The following BOC variants were observed in gnomAD, a reference collection of about 807,000 sequenced individuals.
BOC encodes the protein brother of CDO.
Under a neutral mutation model 112.0 loss-of-function variants are expected in BOC, and 76 were observed. The observed-to-expected ratio is 0.68, with a 90% CI of 0.56 to 0.82. The LOEUF is 0.82. Among genes scored for constraint, BOC ranks in the 40% least tolerant of loss-of-function variants. The probability of loss-of-function intolerance (pLI) is 0.00; values close to 1 mark genes in which losing one functional copy is unlikely to be tolerated. For synonymous variants in BOC, 580 were observed against 599.8 expected (o/e 0.97, Z 0.48); for missense variants, 1,309 against 1,511.7 (o/e 0.87, Z 2.22).
intron 14 of BOC, 42 bp from the exon 15 acceptor site, chr3:113,280,989 T>C (rs776050987): frequency 4.3e-6 from 7 of 1,609,822 alleles, no homozygotes; most frequent in Non-Finnish European, 5.9e-6. Flanking sequence ...AAGAAAACCA[T>C]ATACACATTG....
At chr3:113,231,446 C>A (rs557778093) in intron 2 of BOC, among the ~76,000 whole-genome samples, 246 of 152,270 alleles carry the variant, frequency 1.6e-3, no homozygotes, top group Middle Eastern at 3.4e-3. Flanking sequence ...GGACATTCTT[C>A]AGGAACCTCT....
At chr3:113,232,596 C>T (rs981977079) in intron 2 of BOC, among the ~76,000 whole-genome samples, 18 of 151,236 alleles carry the variant, frequency 1.2e-4, no homozygotes, top group Non-Finnish European at 2.2e-4. Flanking sequence ...TGTGTGCACA[C>T]GTGCACATGC....
intron 15 of BOC, among the ~76,000 whole-genome samples, chr3:113,281,354 A>G (rs1445514341): frequency 6.6e-6 from 1 of 152,186 alleles, no homozygotes; most frequent in East Asian, 1.9e-4. Flanking sequence ...GACACCTTCA[A>G]GGAACTTGAT....
intron 4 of BOC, among the ~76,000 whole-genome samples, chr3:113,262,504 T>G (rs1946999834): frequency 6.6e-6 from 1 of 152,218 alleles, no homozygotes; most frequent in Non-Finnish European, 1.5e-5. Flanking sequence ...TTTGTCCCGC[T>G]TTGTGGGCTG....
chr3:113,249,243 G>C (rs1490853204), intron 2 of BOC, among the ~76,000 whole-genome samples: 1 of 152,252 alleles, frequency 6.6e-6, no homozygotes, highest in Non-Finnish European at 1.5e-5. Flanking sequence ...CGTTCTGTAT[G>C]CATCACACAC....
At chr3:113,285,887 C>T (rs946280262) in intron 19 of BOC, among the ~76,000 whole-genome samples, 4 of 152,208 alleles carry the variant, frequency 2.6e-5, no homozygotes, top group Non-Finnish European at 5.9e-5. Context: ...TTCACAAATT[C>T]CATTTGCTGC....
chr3:113,278,377 T>C lies in BOC; in HGVS notation c.1705+120T>C. Reference sequence around the variant, plus strand: ...TGTTCACCTTGAACTTCATCTTTCCTTCCAGCTACTGCCTCCTTGTGGTTT... The same window carrying C: ...TGTTCACCTTGAACTTCATCTTTCCCTCCAGCTACTGCCTCCTTGTGGTTT... On this transcript the variant is annotated intron_variant, in intron 10 of 19. Coordinates refer to ENST00000682979, the MANE Select transcript of BOC (RefSeq NM_001378074.1). The surrounding 1 kb of genome is among the most constrained non-coding windows in gnomAD (Gnocchi z 4.2). The C allele has an allele frequency of 8.7e-7, 1 of 1,150,398 alleles. No individual in the cohort carries two copies. The highest frequency in any genetic ancestry group is 1.2e-6 in the Non-Finnish European group (1 of 805,510). The allele number at this position is 1,150,398 out of a possible 1,614,324, so 71.3% of individuals were successfully genotyped here.
chr3:113,226,092 G>A (rs987560553), intron 2 of BOC, among the ~76,000 whole-genome samples: 2 of 152,182 alleles, frequency 1.3e-5, no homozygotes, highest in African/African-American at 2.4e-5. Flanking sequence ...AAAGACAAAT[G>A]TATGATCTGA....
Position 113,240,318 on chromosome 3 carries a change from G to A in BOC, c.-81-9404G>A, listed in dbSNP as rs181711492. On this transcript the variant is annotated intron_variant, in intron 2 of 19. Transcript: ENST00000682979. The stretch of plus-strand genomic sequence containing the variant: ...CAGTTTCAGCTGACTTAGCCTACCT[G>A]GCTTTGGTACTGGAGGAGGGGATAA... 1.2e-4 allele frequency among the ~76,000 whole-genome samples: 19 copies of A among 152,328 alleles called. No homozygotes were observed. In the East Asian group the frequency reaches 3.7e-3, roughly 29 times the overall value.
In BOC at chr3:113,234,126, G is replaced by A. The variant is rs76365762; in HGVS notation, c.-81-15596G>A. On this transcript the variant is annotated intron_variant, in intron 2 of 19. Coordinates refer to ENST00000682979, the MANE Select transcript of BOC (RefSeq NM_001378074.1). ...TTATAAACAAGTAAGTTACACTGCA[G>A]TGTGAAAATGACAGTGTAGATGATA... 6.0e-3 allele frequency among the ~76,000 whole-genome samples: 909 copies of A among 152,318 alleles called. 5 individuals carry two copies. The highest frequency in any genetic ancestry group is 8.8e-3 in the Non-Finnish European group (601 of 68,020).
chr3:113,283,508 T>C lies in BOC; in HGVS notation c.2532T>C (p.Thr844=). 6.2e-7 allele frequency: 1 copy of C among 1,614,026 alleles called. No individual in the cohort carries two copies. Among genetic ancestry groups the C allele is most frequent in the Non-Finnish European group, 8.5e-7 (1 of 1,180,010 alleles). The change falls in exon 16 of 20, where the codon ACT becomes ACC. Residue 844 remains threonine (T), a synonymous_variant. Transcript: ENST00000682979. ...AAACCATAGAGCGGCCGGTGGGCAC[T>C]GGGGCCATGGTGGCTCGCTCCAGCG... is the stretch of plus-strand genomic sequence containing the variant. ...LPETIERPVG[T]GAMVARSSDL...
intron 2 of BOC, among the ~76,000 whole-genome samples, chr3:113,226,495 C>A (rs900525638): frequency 2.4e-4 from 37 of 152,310 alleles, no homozygotes; most frequent in African/African-American, 7.0e-4. Flanking sequence ...AATGGGGAGA[C>A]CCCTTAATAA....
intron 2 of BOC, among the ~76,000 whole-genome samples, chr3:113,219,156 A>G (rs929383648): frequency 6.6e-6 from 1 of 152,246 alleles, no homozygotes; most frequent in Non-Finnish European, 1.5e-5. Context: ...GGTACCCTTC[A>G]TCGTGTGAGG....
At chr3:113,254,354 T>A (rs1385438221) in intron 4 of BOC, among the ~76,000 whole-genome samples, 2 of 151,258 alleles carry the variant, frequency 1.3e-5, no homozygotes, top group Non-Finnish European at 2.9e-5. Context: ...AAAGAGGGAG[T>A]TGGTGGAGTG....
chr3:113,261,406 AT>A (rs955765895), intron 4 of BOC, among the ~76,000 whole-genome samples: 7 of 151,828 alleles, frequency 4.6e-5, no homozygotes, highest in Admixed American at 6.6e-5. Flanking sequence ...TCTTCAGTAT[AT>A]TTTTTTTCTA....
chr3:113,267,252 G>A (rs1397267685), intron 4 of BOC, among the ~76,000 whole-genome samples: 1 of 152,192 alleles, frequency 6.6e-6, no homozygotes, highest in Non-Finnish European at 1.5e-5. Flanking sequence ...AGCTTGGAAT[G>A]CATGCAGTTT....
At chr3:113,214,963 T>G (rs1308247239) in intron 1 of BOC, among the ~76,000 whole-genome samples, 2 of 152,258 alleles carry the variant, frequency 1.3e-5, no homozygotes, top group Non-Finnish European at 2.9e-5. Flanking sequence ...TATGGACTTG[T>G]GTTGCTCATC....
chr3:113,234,546 T>C (rs1389702604), intron 2 of BOC, among the ~76,000 whole-genome samples: 1 of 152,198 alleles, frequency 6.6e-6, no homozygotes, highest in East Asian at 1.9e-4. Context: ...TAGAAAGATG[T>C]TGTCAAAGCT....
Position 113,280,651 on chromosome 3 carries a change from G to A in BOC, c.2299G>A (p.Asp767Asn). The stretch of plus-strand genomic sequence containing the variant: ...TGACAATGATAGTGACTACAAGAAG[G>A]ATATGGTGGAAGGTGAGACACAGTT... ...DSDNDSDYKKDMVEGDKYWHS... is the reference protein window; with the variant it reads ...DSDNDSDYKKNMVEGDKYWHS... Residue 767 changes from aspartate (D) to asparagine (N), a missense_variant, in exon 14 of 20, where the codon GAT becomes AAT. Coordinates refer to ENST00000682979, the MANE Select transcript of BOC (RefSeq NM_001378074.1). 6.2e-7 allele frequency: 1 copy of A among 1,602,664 alleles called. No individual in the cohort carries two copies. The highest frequency in any genetic ancestry group is 8.6e-7 in the Non-Finnish European group (1 of 1,169,580).
Sources: gnomAD v4.1 joint callset for allele counts (sites outside exome capture counted in the v4.1 genomes callset) on GRCh38, gnomAD v4.1.1 for gene constraint, Gnocchi (gnomAD v3.1) non-coding constraint, MANE v1.5 for transcripts, NCBI Gene and HGNC (gene_info 2026-07-23, HGNC 2026-07-21) for gene names.